SUGCT: variants seen among roughly 807,000 people sequenced by gnomAD.
SUGCT encodes the protein succinyl-CoA:glutarate-CoA transferase.
A neutral mutation model predicts 55.0 loss-of-function variants in SUGCT; 41 were observed. That is an observed-to-expected ratio of 0.74 (90% CI 0.58 to 0.97). The LOEUF is 0.97. Ranked by LOEUF, SUGCT falls within the 50% of genes least tolerant of loss-of-function variation. The pLI is 0.00. For synonymous variants in SUGCT, 187 were observed against 200.4 expected (o/e 0.93, Z 0.56); for missense variants, 568 against 547.8 (o/e 1.04, Z -0.37).
chr7:40,986,711 C>G, the SUGCT span, among the ~76,000 whole-genome samples: 1 of 152,086 alleles, frequency 6.6e-6, no homozygotes, highest in Non-Finnish European at 1.5e-5. Context: ...GCAGAAATTC[C>G]CAGAATTAAA....
chr7:40,533,874 G>A (rs150288317), intron 12 of SUGCT, among the ~76,000 whole-genome samples: 1 of 152,114 alleles, frequency 6.6e-6, no homozygotes, highest in East Asian at 1.9e-4. Context: ...TTAAAATATT[G>A]CAAAATGGAC....
chr7:40,440,994 TC>T (rs1788486092), intron 9 of SUGCT, among the ~76,000 whole-genome samples: 1 of 152,132 alleles, frequency 6.6e-6, no homozygotes, highest in African/African-American at 2.4e-5. Context: ...TTTGTACTTT[TC>T]TTTTCCAGTG....
At chr7:40,900,045 C>T in the SUGCT span, among the ~76,000 whole-genome samples, 1 of 152,140 alleles carries the variant, frequency 6.6e-6, no homozygotes, top group African/African-American at 2.4e-5. Flanking sequence ...ACCCCCACCT[C>T]CTTCATCCTC....
rs1785773233 is a variant in SUGCT at position 40,189,604 on chromosome 7, G to A, written c.363+10G>A. 1 of 1,400,706 alleles carries A rather than the reference G, an allele frequency of 7.1e-7. No homozygotes were observed. The highest frequency in any genetic ancestry group is 2.3e-5 in the Admixed American group (1 of 43,740). 86.8% of individuals were successfully genotyped at this position (1,400,706 alleles called of 1,614,324 possible). On this transcript the variant is annotated intron_variant, in intron 5 of 13. Transcript: ENST00000335693. Reference sequence around the variant, plus strand: ...GAAAATCATCAAAGAGGTACAGTATGATGTATAGAAAGCATCCTACCACCT... The same window carrying A: ...GAAAATCATCAAAGAGGTACAGTATAATGTATAGAAAGCATCCTACCACCT...
At chr7:40,437,225 C>T (rs1014877259) in intron 9 of SUGCT, among the ~76,000 whole-genome samples, 1 of 152,122 alleles carries the variant, frequency 6.6e-6, no homozygotes, top group Admixed American at 6.6e-5. Flanking sequence ...TTGTCATTAC[C>T]TCCACACCCA....
intron 13 of SUGCT, among the ~76,000 whole-genome samples, chr7:40,801,098 T>C (rs1158652106): frequency 3.9e-5 from 6 of 152,298 alleles, no homozygotes; most frequent in East Asian, 1.9e-4. Flanking sequence ...AATAGTTCCA[T>C]TGTGAGTACT....
intron 9 of SUGCT, among the ~76,000 whole-genome samples, chr7:40,428,836 A>G (rs1232887237): frequency 6.6e-6 from 1 of 152,104 alleles, no homozygotes; most frequent in East Asian, 1.9e-4. Flanking sequence ...TTAAACTTTC[A>G]CACTGTTTCA....
intron 12 of SUGCT, among the ~76,000 whole-genome samples, chr7:40,505,081 A>G (rs1792511962): frequency 6.6e-6 from 1 of 152,128 alleles, no homozygotes; most frequent in South Asian, 2.1e-4. Flanking sequence ...GTAGATGTCT[A>G]TTTGGTCCCT....
At chr7:40,321,522 A>G (rs1393646687) in intron 9 of SUGCT, among the ~76,000 whole-genome samples, 1 of 152,046 alleles carries the variant, frequency 6.6e-6, no homozygotes, top group Non-Finnish European at 1.5e-5. Flanking sequence ...AGCTGGGACT[A>G]TAGGCCTGTG....
chr7:40,671,699 A>G (rs1199141031), intron 12 of SUGCT, among the ~76,000 whole-genome samples: 1 of 152,190 alleles, frequency 6.6e-6, no homozygotes, highest in Non-Finnish European at 1.5e-5. Flanking sequence ...ATGCTGGTGA[A>G]TCAAATATAC....
At chr7:40,664,018 A>C (rs1801473420) in intron 12 of SUGCT, among the ~76,000 whole-genome samples, 1 of 152,102 alleles carries the variant, frequency 6.6e-6, no homozygotes, top group Non-Finnish European at 1.5e-5. Flanking sequence ...AAAAGGGAAA[A>C]TTTGGACACA....
At chr7:40,219,516 A>G (rs773705303) in intron 6 of SUGCT, among the ~76,000 whole-genome samples, 2 of 152,278 alleles carry the variant, frequency 1.3e-5, no homozygotes, top group Admixed American at 1.3e-4. Context: ...AAGGGGGGAG[A>G]AAGTGTTGTA....
intron 9 of SUGCT, among the ~76,000 whole-genome samples, chr7:40,362,757 T>C (rs1192978376): frequency 6.6e-6 from 1 of 152,152 alleles, no homozygotes; most frequent in Non-Finnish European, 1.5e-5. Flanking sequence ...ACTCAGTGGT[T>C]TTTTTGTATA....
At chr7:40,850,031 T>G (rs1451390658) in intron 13 of SUGCT, among the ~76,000 whole-genome samples, 1 of 152,150 alleles carries the variant, frequency 6.6e-6, no homozygotes, top group Admixed American at 6.5e-5. Flanking sequence ...AAGTATTTAT[T>G]GCACAAGGAA....
chr7:40,928,649 G>C, the SUGCT span, among the ~76,000 whole-genome samples: 1 of 151,176 alleles, frequency 6.6e-6, no homozygotes, highest in Non-Finnish European at 1.5e-5. Flanking sequence ...TCCCAGGCTG[G>C]AGTGCAGTGG....
chr7:41,022,613 T>C, the SUGCT span, among the ~76,000 whole-genome samples: 1 of 152,078 alleles, frequency 6.6e-6, no homozygotes, highest in Non-Finnish European at 1.5e-5. Context: ...AAAATCCAGG[T>C]GGAACTAGAA....
chr7:40,947,709 T>C, the SUGCT span, among the ~76,000 whole-genome samples: 2 of 152,240 alleles, frequency 1.3e-5, no homozygotes, highest in Non-Finnish European at 2.9e-5. Context: ...TTCTTTGTCA[T>C]GTTTACACAC....
At chr7:40,916,922 T>G in the SUGCT span, among the ~76,000 whole-genome samples, 1 of 152,160 alleles carries the variant, frequency 6.6e-6, no homozygotes, top group African/African-American at 2.4e-5. Context: ...TAACTAAGAG[T>G]GCAGAATGTC....
At chr7:40,283,375 C>T (rs931179559) in intron 8 of SUGCT, among the ~76,000 whole-genome samples, 4 of 151,956 alleles carry the variant, frequency 2.6e-5, no homozygotes, top group African/African-American at 7.3e-5. Context: ...ATTACAGCTG[C>T]GGGCCACCAT....
Sources: allele counts gnomAD v4.1 joint callset (sites outside exome capture counted in the v4.1 genomes callset), GRCh38; gene constraint gnomAD v4.1.1; transcripts MANE v1.5; gene names NCBI Gene and HGNC (gene_info 2026-07-23, HGNC 2026-07-21).